Variants in PPM1H observed in about 807,000 individuals in gnomAD.
PPM1H encodes the protein protein phosphatase, Mg2+/Mn2+ dependent 1H.
PPM1H carries 27 observed loss-of-function variants against 54.9 expected under a neutral mutation model. The ratio of observed to expected loss-of-function variants is 0.49; its 90% CI spans 0.36 to 0.68. The LOEUF is 0.68. PPM1H is among the 30% of genes least tolerant of loss of function. The pLI is 0.00. For missense variants in PPM1H, 596 were observed against 667.8 expected, an observed-to-expected ratio of 0.89 and a Z score of 1.19; for synonymous variants, 305 against 270.8, an observed-to-expected ratio of 1.13 and a Z score of -1.24.
At chr12:62,896,655 C>T (rs1870999463) in intron 1 of PPM1H, among the ~76,000 whole-genome samples, 1 of 152,148 alleles carries the variant, frequency 6.6e-6, no homozygotes, top group East Asian at 1.9e-4. Context: ...GTTGGTGGGA[C>T]TGTAAACTAG....
chr12:62,868,829 C>A (rs761655837), intron 1 of PPM1H, among the ~76,000 whole-genome samples: 1 of 152,198 alleles, frequency 6.6e-6, no homozygotes, highest in East Asian at 1.9e-4. Context: ...TCATCTAACA[C>A]CCTCAATCTC....
rs1034702351 is a variant in PPM1H at position 62,844,603 on chromosome 12, T to G, written c.246-12324A>C. 2.0e-5 allele frequency among the ~76,000 whole-genome samples: 3 copies of G among 152,238 alleles called. No homozygotes were observed. Among genetic ancestry groups the G allele is most frequent in the African/African-American group, 7.2e-5 (3 of 41,458 alleles). ...TTAAATTAGATGCTTAATACCATCC[T>G]TAAATAAAAAGGACAAGGTGGACTA... On this transcript the variant is annotated intron_variant, in intron 1 of 9. Transcript: ENST00000228705. This position sits in a 1 kb window ranked among gnomAD's most constrained non-coding sequence, Gnocchi z 5.2.
At chr12:62,910,667 C>G (rs772556) in intron 1 of PPM1H, among the ~76,000 whole-genome samples, 16 of 152,040 alleles carry the variant, frequency 1.1e-4, no homozygotes, top group African/African-American at 2.7e-4. Context: ...AATTAGCTGA[C>G]GAAGGAAGGG....
chr12:62,792,359 C>T (rs531657159), intron 3 of PPM1H, among the ~76,000 whole-genome samples: 3 of 152,168 alleles, frequency 2.0e-5, no homozygotes, highest in South Asian at 2.1e-4. Context: ...CCTTTTTCTA[C>T]GTTCAGCTAC....
At chr12:62,710,187 C>T (rs770333310) in intron 6 of PPM1H, among the ~76,000 whole-genome samples, 1 of 152,104 alleles carries the variant, frequency 6.6e-6, no homozygotes, top group Non-Finnish European at 1.5e-5. Context: ...TGGGCTTGAC[C>T]CTCCCAGCTT....
chr12:62,854,904 C>T (rs528893595), intron 1 of PPM1H, among the ~76,000 whole-genome samples: 4 of 152,268 alleles, frequency 2.6e-5, no homozygotes, highest in Admixed American at 1.3e-4. Context: ...AAATTTTCTT[C>T]TAGTGGTCAA....
intron 9 of PPM1H, among the ~76,000 whole-genome samples, chr12:62,658,212 T>TTTTTC (rs768288538): frequency 0.032 from 4,216 of 130,242 alleles, 151 homozygotes; most frequent in Middle Eastern, 0.057. Flanking sequence ...TTTTTTTTTT[T>TTTTTC]AAGTAAAAAA....
intron 4 of PPM1H, among the ~76,000 whole-genome samples, chr12:62,746,713 T>C (rs1364547760): frequency 6.6e-6 from 1 of 152,184 alleles, no homozygotes; most frequent in African/African-American, 2.4e-5. Context: ...TGGTGTGGTT[T>C]CACCCTGCAG....
chr12:62,886,742 T>G (rs1265121961), intron 1 of PPM1H, among the ~76,000 whole-genome samples: 1 of 152,236 alleles, frequency 6.6e-6, no homozygotes, highest in East Asian at 1.9e-4. Context: ...CTTTAAATAG[T>G]TGTCACATAC....
At chr12:62,755,120 A>G in intron 4 of PPM1H, 1 of 397,824 alleles carries the variant, frequency 2.5e-6, no homozygotes, top group East Asian at 5.9e-5. Context: ...TCTTTTCTTA[A>G]TCTTATTTGT....
chr12:62,867,753 T>C (rs1011234557), intron 1 of PPM1H, among the ~76,000 whole-genome samples: 1 of 151,544 alleles, frequency 6.6e-6, no homozygotes, highest in Non-Finnish European at 1.5e-5. Context: ...ATTTTTTTTT[T>C]TTCTGTATTT....
Position 62,849,956 on chromosome 12 carries a change from A to G in PPM1H, c.246-17677T>C, listed in dbSNP as rs181207459. Among the ~76,000 whole-genome samples, 308 of 152,094 alleles carry G rather than the reference A, an allele frequency of 2.0e-3. 1 individual carries two copies. Among genetic ancestry groups the G allele is most frequent in the Non-Finnish European group, 3.3e-3 (227 of 67,960 alleles). ...CAATTTACAGAGTAATTAAATAACA[A>G]TTTTTTACTTTTTTATTTTTTTGAG... is the stretch of plus-strand genomic sequence containing the variant. On this transcript the variant is annotated intron_variant, in intron 1 of 9. Coordinates refer to ENST00000228705, the MANE Select transcript of PPM1H (RefSeq NM_020700.2).
intron 4 of PPM1H, among the ~76,000 whole-genome samples, chr12:62,749,577 G>A (rs1351648312): frequency 6.6e-6 from 1 of 152,200 alleles, no homozygotes; most frequent in East Asian, 1.9e-4. Flanking sequence ...CTACTCTGTA[G>A]ATGCTAATTA....
rs913880440 is a variant in PPM1H at position 62,645,183 on chromosome 12, G to C, written c.*3306C>G. On this transcript the variant is annotated 3_prime_UTR_variant, in exon 10 of 10. Transcript: ENST00000228705. ...AACCCTTCCTGAATGGGGAAGATCT[G>C]AGGCTAAATCTGGATCCTGGGACTC... 1 of 152,194 alleles carries C rather than the reference G, an allele frequency of 6.6e-6. No homozygotes were observed. Among genetic ancestry groups the C allele is most frequent in the Non-Finnish European group, 1.5e-5 (1 of 68,046 alleles). The allele number at this position is 152,194 out of a possible 1,614,324, so 9.4% of individuals were successfully genotyped here.
At chr12:62,866,190 G>A (rs1165454255) in intron 1 of PPM1H, among the ~76,000 whole-genome samples, 1 of 152,070 alleles carries the variant, frequency 6.6e-6, no homozygotes, top group African/African-American at 2.4e-5. Context: ...ATCTCAGCAG[G>A]GCTCCCCGAC....
chr12:62,913,128 G>A (rs1871510766), intron 1 of PPM1H, among the ~76,000 whole-genome samples: 1 of 152,136 alleles, frequency 6.6e-6, no homozygotes, highest in Admixed American at 6.5e-5. Context: ...AAAGTGATAT[G>A]GATAAAATTG....
intron 1 of PPM1H, among the ~76,000 whole-genome samples, chr12:62,910,173 G>T (rs932676729): frequency 1.4e-4 from 21 of 152,184 alleles, no homozygotes; most frequent in African/African-American, 4.8e-4. Flanking sequence ...AAATGCAAAA[G>T]AATGAGTGTG....
At chr12:62,719,611 AC>A (rs1244572909) in intron 6 of PPM1H, among the ~76,000 whole-genome samples, 10 of 152,046 alleles carry the variant, frequency 6.6e-5, no homozygotes, top group African/African-American at 2.4e-4. Flanking sequence ...GAATACGACA[AC>A]CCCCCTGACA....
At position 62,834,509 on chromosome 12, in the gene PPM1H, C is replaced by G. The variant is rs548910316; in HGVS notation, c.246-2230G>C. 9.9e-5 allele frequency among the ~76,000 whole-genome samples: 15 copies of G among 152,262 alleles called. No individual in the cohort carries two copies. In the South Asian group the frequency reaches 1.5e-3, roughly 15 times the overall value. On this transcript the variant is annotated intron_variant, in intron 1 of 9. Coordinates refer to ENST00000228705, the MANE Select transcript of PPM1H (RefSeq NM_020700.2). ...CCTATTGTGCCCTGGGGACATCAGT[C>G]TGTGACAGGTTGAGCTGGACTGTGG...
Sources: gnomAD v4.1 joint callset for allele counts (sites outside exome capture counted in the v4.1 genomes callset) on GRCh38, gnomAD v4.1.1 for gene constraint, Gnocchi (gnomAD v3.1) non-coding constraint, MANE v1.5 for transcripts, NCBI Gene and HGNC (gene_info 2026-07-23, HGNC 2026-07-21) for gene names.